TTC29: variants seen among roughly 807,000 people sequenced by gnomAD.
TTC29 encodes the protein tetratricopeptide repeat domain 29.
In TTC29, 49 loss-of-function variants were observed where a neutral mutation model predicts 58.1. The observed-to-expected ratio is 0.84, with a 90% CI of 0.67 to 1.07. The LOEUF is 1.07. TTC29 is among the 50% of genes least tolerant of loss of function. The pLI is 0.00. For synonymous variants in TTC29, 209 were observed against 196.8 expected, an observed-to-expected ratio of 1.06 and a Z score of -0.52; for missense variants, 582 against 555.6, an observed-to-expected ratio of 1.05 and a Z score of -0.48.
In TTC29 at chr4:146,820,118, G is replaced by T; in HGVS notation, c.1101+7C>A. 1 of 1,612,158 alleles carries T rather than the reference G, an allele frequency of 6.2e-7. No homozygotes were observed. The highest frequency in any genetic ancestry group is 1.1e-5 in the South Asian group (1 of 91,004). ...TTTCTCTATAAACAAGAAACACATAGACTCACTTTTTCATTGTAGATGTCC... is the reference window on the plus strand; with the variant it reads ...TTTCTCTATAAACAAGAAACACATATACTCACTTTTTCATTGTAGATGTCC... On this transcript the variant is annotated splice_region_variant and intron_variant, in intron 10 of 12. Transcript: ENST00000325106.
chr4:146,831,151 C>A (rs978203135), intron 9 of TTC29, among the ~76,000 whole-genome samples: 2 of 152,096 alleles, frequency 1.3e-5, no homozygotes, highest in Non-Finnish European at 2.9e-5. Context: ...AATAAGCATC[C>A]CCTGCACTGT....
At chr4:146,812,352 A>T (rs1250488473) in intron 10 of TTC29, among the ~76,000 whole-genome samples, 1 of 152,222 alleles carries the variant, frequency 6.6e-6, no homozygotes, top group Non-Finnish European at 1.5e-5. Context: ...AAATAAGTGG[A>T]CATAGATATG....
intron 11 of TTC29, among the ~76,000 whole-genome samples, chr4:146,728,875 G>A (rs1426504266): frequency 8.6e-5 from 2 of 23,140 alleles, no homozygotes; most frequent in South Asian, 9.2e-3. Flanking sequence ...ATATGTGTGT[G>A]TATATATATA....
Position 146,838,678 on chromosome 4 carries a change from G to A in TTC29, c.886-4781C>T, listed in dbSNP as rs1333982230. Reference sequence around the variant, plus strand: ...AACAACACAGGTCTGAACTGCATGAGTCTACTTAATGCGAATTTTTTTCAA... The same window carrying A: ...AACAACACAGGTCTGAACTGCATGAATCTACTTAATGCGAATTTTTTTCAA... On this transcript the variant is annotated intron_variant, in intron 8 of 12. Coordinates refer to ENST00000325106, the MANE Select transcript of TTC29 (RefSeq NM_031956.4). 3.3e-5 allele frequency among the ~76,000 whole-genome samples: 5 copies of A among 152,060 alleles called. No homozygotes were observed. The East Asian group carries it at 5.8e-4, about 18-fold the overall frequency.
chr4:146,803,201 T>TG (rs1750355036), intron 11 of TTC29, among the ~76,000 whole-genome samples: 1 of 151,482 alleles, frequency 6.6e-6, no homozygotes, highest in Non-Finnish European at 1.5e-5. Flanking sequence ...AGATAACTGG[T>TG]GAAAAAAAAA....
intron 4 of TTC29, 136 bp from the exon 5 acceptor site, chr4:146,909,385 G>T (rs1028626484): frequency 2.2e-5 from 15 of 688,418 alleles, no homozygotes; most frequent in Non-Finnish European, 3.4e-5. Flanking sequence ...ACTATCAAAA[G>T]ATCTTTGCCT....
At chr4:146,832,746 C>A (rs1728251737) in intron 9 of TTC29, among the ~76,000 whole-genome samples, 1 of 152,088 alleles carries the variant, frequency 6.6e-6, no homozygotes, top group Admixed American at 6.6e-5. Flanking sequence ...CTCACCTCGG[C>A]CTCTCAAAGT....
chr4:146,765,037 AG>A (rs1328184146), intron 11 of TTC29, among the ~76,000 whole-genome samples: 1 of 152,158 alleles, frequency 6.6e-6, no homozygotes, highest in East Asian at 1.9e-4. Flanking sequence ...TTACCAAAAA[AG>A]TCTTCATTAA....
intron 8 of TTC29, among the ~76,000 whole-genome samples, chr4:146,857,629 G>C (rs1251845110): frequency 6.6e-6 from 1 of 152,062 alleles, no homozygotes; most frequent in Non-Finnish European, 1.5e-5. Flanking sequence ...CATCCTCTGG[G>C]AGAAGGGGCC....
At chr4:146,890,872 C>T (rs907148288) in intron 6 of TTC29, among the ~76,000 whole-genome samples, 2 of 151,948 alleles carry the variant, frequency 1.3e-5, no homozygotes, top group Admixed American at 1.3e-4. Context: ...TTTTTTAATG[C>T]CAATGGGAGC....
intron 8 of TTC29, among the ~76,000 whole-genome samples, chr4:146,863,329 C>T (rs1730364125): frequency 6.6e-6 from 1 of 152,264 alleles, no homozygotes; most frequent in East Asian, 1.9e-4. Flanking sequence ...GATACTCCTG[C>T]TTAAGCTCTT....
At chr4:146,825,481 T>C (rs930480421) in intron 9 of TTC29, among the ~76,000 whole-genome samples, 10 of 152,228 alleles carry the variant, frequency 6.6e-5, no homozygotes, top group African/African-American at 2.2e-4. Flanking sequence ...TGGTTATGAG[T>C]TCAGTTCTTT....
intron 8 of TTC29, among the ~76,000 whole-genome samples, chr4:146,861,341 T>G (rs1414043398): frequency 6.6e-6 from 1 of 152,168 alleles, no homozygotes; most frequent in East Asian, 1.9e-4. Flanking sequence ...TTAGAACATT[T>G]ACAGGTCTAA....
At chr4:146,811,942 C>T (rs192781951) in intron 10 of TTC29, among the ~76,000 whole-genome samples, 214 of 152,236 alleles carry the variant, frequency 1.4e-3, no homozygotes, top group South Asian at 3.1e-3. Flanking sequence ...AGAGTCTCTC[C>T]ATATTACATC....
chr4:146,787,600 G>A (rs1162840044), intron 11 of TTC29, among the ~76,000 whole-genome samples: 4 of 152,240 alleles, frequency 2.6e-5, no homozygotes, highest in East Asian at 3.9e-4. Context: ...TCTAAGCATC[G>A]CTAGCCTAGT....
intron 11 of TTC29, among the ~76,000 whole-genome samples, chr4:146,717,045 C>T (rs538369435): frequency 6.6e-6 from 1 of 152,130 alleles, no homozygotes; most frequent in South Asian, 2.1e-4. Context: ...TAACAGGATC[C>T]CAAGGTAATT....
intron 8 of TTC29, among the ~76,000 whole-genome samples, chr4:146,839,477 A>C (rs944388678): frequency 2.6e-5 from 4 of 151,760 alleles, no homozygotes; most frequent in Non-Finnish European, 4.4e-5. Flanking sequence ...ATTATATAGC[A>C]ATAAAAATTT....
Position 146,734,264 on chromosome 4 carries a change from A to G in TTC29, c.1331-26713T>C, listed in dbSNP as rs1744553527. 2.0e-5 allele frequency among the ~76,000 whole-genome samples: 3 copies of G among 152,304 alleles called. No homozygotes were observed. The South Asian group carries it at 6.2e-4, about 32-fold the overall frequency. On this transcript the variant is annotated intron_variant, in intron 11 of 12. Transcript: ENST00000325106. ...GGTCACTCTATTACTGACTTTATGTATAATTATAAATTGGGGGAGCTTCTG... is the reference window on the plus strand; with the variant it reads ...GGTCACTCTATTACTGACTTTATGTGTAATTATAAATTGGGGGAGCTTCTG...
intron 11 of TTC29, among the ~76,000 whole-genome samples, chr4:146,727,975 C>T (rs971519946): frequency 6.6e-6 from 1 of 152,098 alleles, no homozygotes; most frequent in Non-Finnish European, 1.5e-5. Flanking sequence ...TTGCTTCATT[C>T]ATTGCTAACT....
Sources: allele counts gnomAD v4.1 joint callset (sites outside exome capture counted in the v4.1 genomes callset), GRCh38; gene constraint gnomAD v4.1.1; transcripts MANE v1.5; gene names NCBI Gene and HGNC (gene_info 2026-07-23, HGNC 2026-07-21).